Variants in LYPD6 observed in about 807,000 individuals in gnomAD.
The protein encoded by LYPD6 is LY6/PLAUR domain containing 6.
Under a neutral mutation model 22.7 loss-of-function variants are expected in LYPD6, and 15 were observed. The observed-to-expected ratio is 0.66, with a 90% CI of 0.44 to 1.02. The LOEUF (loss-of-function observed/expected upper bound fraction) is 1.02, where lower values mean the gene tolerates loss of function less well. Among genes scored for constraint, LYPD6 ranks in the 50% least tolerant of loss-of-function variants. The pLI is 0.00. For missense variants in LYPD6, 189 were observed against 208.4 expected (o/e 0.91, Z 0.57); for synonymous variants, 72 against 77.5 (o/e 0.93, Z 0.37).
intron 1 of LYPD6, among the ~76,000 whole-genome samples, chr2:149,359,639 G>C (rs931328302): frequency 1.3e-5 from 2 of 152,196 alleles, no homozygotes; most frequent in African/African-American, 4.8e-5. Flanking sequence ...CCAGAAGCCA[G>C]GTCCTTTAAT....
intron 2 of LYPD6, among the ~76,000 whole-genome samples, chr2:149,441,098 A>G (rs971042871): frequency 6.6e-6 from 1 of 152,154 alleles, no homozygotes; most frequent in African/African-American, 2.4e-5. Context: ...GATTTTTTAA[A>G]TGGCGTGGTT....
intron 1 of LYPD6, among the ~76,000 whole-genome samples, chr2:149,375,138 C>G (rs960539078): frequency 6.6e-6 from 1 of 152,158 alleles, no homozygotes; most frequent in Non-Finnish European, 1.5e-5. Context: ...GTAAATTTTT[C>G]TTAGATGGAG....
chr2:149,358,288 C>T (rs1168984016), intron 1 of LYPD6, among the ~76,000 whole-genome samples: 1 of 152,174 alleles, frequency 6.6e-6, no homozygotes, highest in Non-Finnish European at 1.5e-5. Flanking sequence ...ACATCGATTA[C>T]TCTACCTCTG....
At chr2:149,391,203 T>G (rs960470303) in intron 1 of LYPD6, among the ~76,000 whole-genome samples, 3 of 152,246 alleles carry the variant, frequency 2.0e-5, no homozygotes, top group African/African-American at 7.2e-5. Context: ...TGCCAGACGC[T>G]GACATGGTCT....
rs183862857 is a variant in LYPD6 at position 149,463,032 on chromosome 2, A to G, written c.218-5613A>G. 2.0e-4 allele frequency among the ~76,000 whole-genome samples: 31 copies of G among 152,224 alleles called. 1 individual carries two copies. In the East Asian group the frequency reaches 5.0e-3, roughly 25 times the overall value. On this transcript the variant is annotated intron_variant, in intron 3 of 4. Coordinates refer to ENST00000334166, the MANE Select transcript of LYPD6 (RefSeq NM_194317.5). ...AAGCATGACTCATAAAAGAAAAAAT[A>G]ATAAATTAGACTTCATCAAAATTTA...
intron 1 of LYPD6, among the ~76,000 whole-genome samples, chr2:149,360,481 C>A (rs1319395140): frequency 1.3e-5 from 2 of 152,214 alleles, no homozygotes; most frequent in South Asian, 2.1e-4. Flanking sequence ...ATTTCAGCAT[C>A]AATTTTGTCT....
chr2:149,382,942 C>G (rs975014216), intron 1 of LYPD6, among the ~76,000 whole-genome samples: 36 of 152,106 alleles, frequency 2.4e-4, no homozygotes, highest in Non-Finnish European at 3.1e-4. Flanking sequence ...TTACAATACT[C>G]TCCAAGGAAA....
chr2:149,368,935 A>G (rs531060987), intron 1 of LYPD6, among the ~76,000 whole-genome samples: 3 of 152,224 alleles, frequency 2.0e-5, no homozygotes, highest in South Asian at 4.1e-4. Flanking sequence ...AAATATTGGG[A>G]AAGTGATACG....
intron 1 of LYPD6, among the ~76,000 whole-genome samples, chr2:149,357,816 C>T (rs1371472741): frequency 6.9e-6 from 1 of 145,158 alleles, no homozygotes; most frequent in Non-Finnish European, 1.5e-5. Context: ...GACAGAACCT[C>T]ACTCTGTTGC....
intron 3 of LYPD6, among the ~76,000 whole-genome samples, chr2:149,467,475 T>A (rs1361048472): frequency 1.3e-5 from 2 of 152,106 alleles, no homozygotes; most frequent in Non-Finnish European, 2.9e-5. Flanking sequence ...TGTTGAAGGG[T>A]CTGTATTAGC....
intron 1 of LYPD6, among the ~76,000 whole-genome samples, chr2:149,393,355 G>T (rs1322927808): frequency 6.6e-6 from 1 of 152,160 alleles, no homozygotes; most frequent in Non-Finnish European, 1.5e-5. Flanking sequence ...AGGCAACTGA[G>T]GTCAGTGTGC....
chr2:149,343,318 A>G (rs1451378247), intron 1 of LYPD6, among the ~76,000 whole-genome samples: 1 of 151,978 alleles, frequency 6.6e-6, no homozygotes, highest in Non-Finnish European at 1.5e-5. Flanking sequence ...AGTATCATCT[A>G]CTTTATAATA....
chr2:149,357,396 C>T (rs960373588), intron 1 of LYPD6, among the ~76,000 whole-genome samples: 3 of 152,166 alleles, frequency 2.0e-5, no homozygotes, highest in African/African-American at 4.8e-5. Context: ...TAGTTGTGCA[C>T]ATCAATAACA....
Position 149,449,081 on chromosome 2 carries a change from AC to A in LYPD6, c.153del (p.Cys52ValfsTer95). The A allele has an allele frequency of 6.2e-7, 1 of 1,613,470 alleles. No homozygotes were observed. The highest frequency in any genetic ancestry group is 8.5e-7 in the Non-Finnish European group (1 of 1,179,698). ...TPYPGGFKCF[T>X]CEKAADNYEC... ...ATATCCTGGTGGATTTAAATGTTTC[AC>A]CTGTGAAAAGGCAGCAGACAATTAT... On this transcript the variant is annotated frameshift_variant, in exon 3 of 5. Transcript: ENST00000334166. LOFTEE classifies it high-confidence loss of function.
intron 3 of LYPD6, among the ~76,000 whole-genome samples, chr2:149,461,199 A>T (rs548087136): frequency 6.6e-6 from 1 of 151,944 alleles, no homozygotes; most frequent in Non-Finnish European, 1.5e-5. Context: ...AACATATACA[A>T]TTTTTTTCAA....
At chr2:149,351,420 G>C (rs1019774896) in intron 1 of LYPD6, among the ~76,000 whole-genome samples, 1 of 126,584 alleles carries the variant, frequency 7.9e-6, no homozygotes, top group Non-Finnish European at 1.7e-5. Context: ...AAAAAAGAAA[G>C]AAAACAAGCC....
intron 1 of LYPD6, among the ~76,000 whole-genome samples, chr2:149,419,856 GTTTC>G (rs966959335): frequency 2.6e-5 from 4 of 151,844 alleles, no homozygotes; most frequent in Admixed American, 6.6e-5. Context: ...GTGTGTCTGT[GTTTC>G]TTTCTGCTCA....
intron 1 of LYPD6, among the ~76,000 whole-genome samples, chr2:149,374,429 A>G (rs1398469193): frequency 1.3e-5 from 2 of 152,190 alleles, no homozygotes; most frequent in Non-Finnish European, 2.9e-5. Context: ...AGTGACATCT[A>G]GCCCTGGATC....
intron 1 of LYPD6, among the ~76,000 whole-genome samples, chr2:149,412,714 C>T (rs1186608897): frequency 2.6e-5 from 4 of 152,014 alleles, no homozygotes; most frequent in Non-Finnish European, 4.4e-5. Context: ...GCAATATTAT[C>T]GTTGGAAGCC....
Sources: gnomAD v4.1 joint callset for allele counts (sites outside exome capture counted in the v4.1 genomes callset) on GRCh38, gnomAD v4.1.1 for gene constraint, MANE v1.5 for transcripts, NCBI Gene and HGNC (gene_info 2026-07-23, HGNC 2026-07-21) for gene names.